Variants in NYAP2 observed in about 807,000 individuals in gnomAD.
NYAP2 encodes neuronal tyrosine-phosphorylated phosphoinositide-3-kinase adapter 2.
A neutral mutation model predicts 50.4 loss-of-function variants in NYAP2; 23 were observed. The ratio of observed to expected loss-of-function variants is 0.46; its 90% CI spans 0.33 to 0.65. NYAP2 has a LOEUF of 0.65. NYAP2 is among the 30% of genes least tolerant of loss of function. The pLI is 0.02. For synonymous variants in NYAP2, 394 were observed against 365.2 expected (o/e 1.08, Z -0.90); for missense variants, 885 against 861.0 (o/e 1.03, Z -0.35).
exon 4 of NYAP2, chr2:225,513,596 C>G (rs781354393): frequency 6.3e-7 from 1 of 1,584,434 alleles, no homozygotes; most frequent in Non-Finnish European, 8.6e-7. Flanking sequence ...ACCCCAGCAC[C>G]AAGCTGAGCA....
the NYAP2 span, among the ~76,000 whole-genome samples, chr2:225,686,515 C>A: frequency 2.0e-5 from 3 of 152,120 alleles, no homozygotes; most frequent in Non-Finnish European, 4.4e-5. Context: ...CTTACAGAAG[C>A]ATAAATATGT....
chr2:225,623,273 T>A (rs1322651958), intron 5 of NYAP2, among the ~76,000 whole-genome samples: 1 of 152,184 alleles, frequency 6.6e-6, no homozygotes, highest in East Asian at 1.9e-4. Flanking sequence ...GGAAAAAATG[T>A]TCAATTAAAT....
intron 5 of NYAP2, among the ~76,000 whole-genome samples, chr2:225,584,762 A>G (rs770539290): frequency 5.9e-5 from 9 of 152,274 alleles, no homozygotes; most frequent in Non-Finnish European, 1.3e-4. Flanking sequence ...AAACATTTTA[A>G]TTACCTAAGT....
the NYAP2 span, among the ~76,000 whole-genome samples, chr2:225,675,706 T>C: frequency 6.6e-6 from 1 of 152,150 alleles, no homozygotes; most frequent in East Asian, 1.9e-4. Context: ...ATAAGTTCTT[T>C]GAGAAATCTC....
intron 5 of NYAP2, among the ~76,000 whole-genome samples, chr2:225,622,087 A>G (rs1436833332): frequency 6.6e-6 from 1 of 152,202 alleles, no homozygotes; most frequent in Non-Finnish European, 1.5e-5. Flanking sequence ...CCTGGATTGC[A>G]GTGGCACAAT....
intron 3 of NYAP2, among the ~76,000 whole-genome samples, chr2:225,413,663 T>C (rs551624158): frequency 1.3e-5 from 2 of 152,194 alleles, no homozygotes; most frequent in Admixed American, 6.5e-5. Context: ...ATTCCAGGGA[T>C]GGTGAAAGAT....
At chr2:225,587,848 A>G (rs1168670604) in intron 5 of NYAP2, among the ~76,000 whole-genome samples, 1 of 151,882 alleles carries the variant, frequency 6.6e-6, no homozygotes, top group Non-Finnish European at 1.5e-5. Context: ...AAGCTATATC[A>G]TACTCAACCG....
chr2:225,476,180 T>G (rs968054527), intron 3 of NYAP2, among the ~76,000 whole-genome samples: 1 of 152,032 alleles, frequency 6.6e-6, no homozygotes, highest in Non-Finnish European at 1.5e-5. Flanking sequence ...TTGGGAGGCC[T>G]AGGCGGGCGG....
chr2:225,398,098 T>G (rs1694801342), upstream of NYAP2, among the ~76,000 whole-genome samples: 1 of 152,064 alleles, frequency 6.6e-6, no homozygotes, highest in Non-Finnish European at 1.5e-5. Context: ...TCTTCATTTT[T>G]TATGCTTGGC....
intron 2 of NYAP2, among the ~76,000 whole-genome samples, chr2:225,406,303 A>G (rs936914493): frequency 6.6e-6 from 1 of 151,898 alleles, no homozygotes; most frequent in Admixed American, 6.6e-5. Flanking sequence ...GTAAACAAAG[A>G]GGTGTGATGT....
chr2:225,408,956 A>T (rs1322623464), exon 3 of NYAP2: 2 of 1,611,468 alleles, frequency 1.2e-6, no homozygotes, highest in South Asian at 2.2e-5. Context: ...CATTGAGGAT[A>T]TGGGGATGAA....
At chr2:225,525,822 T>C (rs919582707) in intron 4 of NYAP2, among the ~76,000 whole-genome samples, 3 of 152,186 alleles carry the variant, frequency 2.0e-5, no homozygotes, top group Non-Finnish European at 4.4e-5. Context: ...CCATATGTGG[T>C]AGGCAGAATT....
chr2:225,698,014 A>T, the NYAP2 span, among the ~76,000 whole-genome samples: 7 of 151,502 alleles, frequency 4.6e-5, no homozygotes, highest in African/African-American at 7.3e-5. Context: ...CTCTACCAAA[A>T]TTTTTTTTAA....
chr2:225,575,142 T>C (rs1237415600), intron 4 of NYAP2, among the ~76,000 whole-genome samples: 2 of 152,156 alleles, frequency 1.3e-5, no homozygotes, highest in African/African-American at 2.4e-5. Context: ...TTTCGTATAT[T>C]CTGCATTACG....
chr2:225,480,676 G>A (rs1690191047), intron 3 of NYAP2, among the ~76,000 whole-genome samples: 2 of 151,982 alleles, frequency 1.3e-5, no homozygotes, highest in Admixed American at 1.3e-4. Flanking sequence ...TAAAATAAAT[G>A]GTCAAATAGA....
At chr2:225,504,976 C>G in intron 3 of NYAP2, among the ~76,000 whole-genome samples, 1 of 150,932 alleles carries the variant, frequency 6.6e-6, no homozygotes, top group Non-Finnish European at 1.5e-5. Flanking sequence ...CCACTGCGCT[C>G]CAGCCTGGGT....
Position 225,583,711 on chromosome 2 carries a change from T to G in NYAP2, c.1618+676T>G, listed in dbSNP as rs137881663. On this transcript the variant is annotated intron_variant, in intron 5 of 6. Transcript: ENST00000636099. ...GGAATTAAACATTCAAACATGCAAT[T>G]GATAAATGTTAAAACTTGCCTTCAT... Among the ~76,000 whole-genome samples the G allele has an allele frequency of 2.9e-3, 440 of 152,172 alleles. 3 individuals carry two copies. Among genetic ancestry groups the G allele is most frequent in the African/African-American group, 9.9e-3 (413 of 41,522 alleles).
chr2:225,669,838 T>C, the NYAP2 span, among the ~76,000 whole-genome samples: 1 of 152,180 alleles, frequency 6.6e-6, no homozygotes, highest in Non-Finnish European at 1.5e-5. Flanking sequence ...AGTCAGATGA[T>C]GTGCAAAGGG....
At chr2:225,671,318 TGTC>T in the NYAP2 span, among the ~76,000 whole-genome samples, 1 of 152,188 alleles carries the variant, frequency 6.6e-6, no homozygotes, top group Admixed American at 6.5e-5. Context: ...AATCCTTTCT[TGTC>T]ATTTCCACAA....
Sources: gnomAD v4.1 joint callset for allele counts (sites outside exome capture counted in the v4.1 genomes callset) on GRCh38, gnomAD v4.1.1 for gene constraint, MANE v1.5 for transcripts, NCBI Gene and HGNC (gene_info 2026-07-23, HGNC 2026-07-21) for gene names.